The following SNTG1 variants were observed in gnomAD, a reference collection of about 807,000 sequenced individuals.
The protein encoded by SNTG1 is syntrophin gamma 1.
Under a neutral mutation model 74.7 loss-of-function variants are expected in SNTG1, and 39 were observed. The ratio of observed to expected loss-of-function variants is 0.52; its 90% CI spans 0.40 to 0.68. The LOEUF (loss-of-function observed/expected upper bound fraction) is 0.68. Among genes scored for constraint, SNTG1 ranks in the 30% least tolerant of loss-of-function variants. The probability of loss-of-function intolerance (pLI) is 0.00; values close to 1 mark genes in which losing one functional copy is unlikely to be tolerated. For missense variants in SNTG1, 685 were observed against 609.5 expected (o/e 1.12, Z -1.30); for synonymous variants, 254 against 217.1 (o/e 1.17, Z -1.49).
At chr8:50,405,468 A>G (rs2092861036) in intron 4 of SNTG1, among the ~76,000 whole-genome samples, 1 of 152,032 alleles carries the variant, frequency 6.6e-6, no homozygotes, top group African/African-American at 2.4e-5. Context: ...GTGTCTATTC[A>G]TATCCTTTGT....
intron 2 of SNTG1, among the ~76,000 whole-genome samples, chr8:50,319,289 G>A (rs1276930348): frequency 1.3e-5 from 2 of 152,088 alleles, no homozygotes; most frequent in Admixed American, 1.3e-4. Flanking sequence ...GCTTGAACCT[G>A]GGAGGTGGAG....
chr8:49,951,978 C>A (rs1809762043), intron 1 of SNTG1, among the ~76,000 whole-genome samples: 1 of 148,682 alleles, frequency 6.7e-6, no homozygotes, highest in South Asian at 2.2e-4. Context: ...GGAAATATAT[C>A]ACCCAGAACT....
chr8:49,917,007 A>T (rs1171875800), intron 1 of SNTG1, among the ~76,000 whole-genome samples: 1 of 150,084 alleles, frequency 6.7e-6, no homozygotes, highest in Non-Finnish European at 1.5e-5. Context: ...CCTGAATGAG[A>T]TTCTATCTCA....
intron 17 of SNTG1, among the ~76,000 whole-genome samples, chr8:50,710,951 T>A (rs945420529): frequency 6.6e-6 from 1 of 151,286 alleles, no homozygotes; most frequent in Non-Finnish European, 1.5e-5. Context: ...ATCTCAGAAT[T>A]GGGAAAGGCT....
At chr8:50,474,731 C>A (rs1170616657) in intron 8 of SNTG1, among the ~76,000 whole-genome samples, 9 of 152,006 alleles carry the variant, frequency 5.9e-5, no homozygotes, top group South Asian at 2.1e-4. Flanking sequence ...TACTGGGTAT[C>A]TACCCAAAAG....
chr8:50,390,614 T>C lies in SNTG1; in HGVS notation c.-27-3598T>C, dbSNP rs775624313. 5.3e-5 allele frequency among the ~76,000 whole-genome samples: 8 copies of C among 152,206 alleles called. No individual in the cohort carries two copies. The South Asian group carries it at 6.2e-4, about 12-fold the overall frequency. On this transcript the variant is annotated intron_variant, in intron 2 of 18. Coordinates refer to ENST00000642720, the MANE Select transcript of SNTG1 (RefSeq NM_018967.5). ...TTCCCAAATTCTGTGAAGAAATTCA[T>C]TGGTAGCTTGATAGGGATGGCATTG...
chr8:49,968,686 A>G (rs1811372299), intron 1 of SNTG1, among the ~76,000 whole-genome samples: 1 of 152,188 alleles, frequency 6.6e-6, no homozygotes. Context: ...TTATTCTTCC[A>G]GATAGACCAA....
At chr8:50,771,510 A>T (rs777049202) in intron 18 of SNTG1, among the ~76,000 whole-genome samples, 1 of 152,146 alleles carries the variant, frequency 6.6e-6, no homozygotes, top group Non-Finnish European at 1.5e-5. Flanking sequence ...CACAATTTAT[A>T]ATTAAGAGGA....
intron 1 of SNTG1, among the ~76,000 whole-genome samples, chr8:50,072,475 C>G (rs745952658): frequency 1.3e-5 from 2 of 152,096 alleles, no homozygotes; most frequent in African/African-American, 2.4e-5. Flanking sequence ...CTTGCCTGAG[C>G]TCAGGCGTTT....
intron 8 of SNTG1, among the ~76,000 whole-genome samples, chr8:50,486,250 T>G (rs2093793124): frequency 6.9e-6 from 1 of 145,796 alleles, no homozygotes; most frequent in South Asian, 2.3e-4. Context: ...AGTATGGCCA[T>G]TTTCACGATA....
At chr8:50,196,778 G>A (rs1171466494) in intron 2 of SNTG1, among the ~76,000 whole-genome samples, 1 of 143,650 alleles carries the variant, frequency 7.0e-6, no homozygotes, top group Non-Finnish European at 1.5e-5. Flanking sequence ...CCAACAAGCT[G>A]AAACTCCATC....
intron 2 of SNTG1, among the ~76,000 whole-genome samples, chr8:50,343,882 C>T (rs1375709194): frequency 6.6e-6 from 1 of 152,116 alleles, no homozygotes; most frequent in African/African-American, 2.4e-5. Context: ...AAATACAGGC[C>T]TTAATATTAT....
intron 2 of SNTG1, among the ~76,000 whole-genome samples, chr8:50,310,510 G>A (rs1425108953): frequency 6.6e-6 from 1 of 152,126 alleles, no homozygotes; most frequent in Non-Finnish European, 1.5e-5. Context: ...CCAACATGGA[G>A]AAACCCTGTC....
chr8:50,454,114 T>C (rs1179162498), intron 8 of SNTG1, among the ~76,000 whole-genome samples: 1 of 152,238 alleles, frequency 6.6e-6, no homozygotes. Context: ...TCCTTACCAC[T>C]GAACCCTAGA....
At chr8:49,975,136 T>C (rs2130028015) in intron 1 of SNTG1, among the ~76,000 whole-genome samples, 1 of 152,326 alleles carries the variant, frequency 6.6e-6, no homozygotes, top group Middle Eastern at 3.4e-3. Flanking sequence ...CTATGGGCTG[T>C]GTACTTAAAG....
chr8:50,202,416 T>C (rs957813806), intron 2 of SNTG1, among the ~76,000 whole-genome samples: 2 of 152,128 alleles, frequency 1.3e-5, no homozygotes, highest in Non-Finnish European at 2.9e-5. Context: ...ATATCTTTGC[T>C]TTTCCAGGGT....
At chr8:50,421,283 G>A (rs543382057) in intron 4 of SNTG1, among the ~76,000 whole-genome samples, 30 of 152,204 alleles carry the variant, frequency 2.0e-4, no homozygotes, top group African/African-American at 7.2e-4. Context: ...AGGCAGAGAA[G>A]CGTTCGGGGC....
chr8:50,712,502 T>C (rs927460963), intron 17 of SNTG1, among the ~76,000 whole-genome samples: 5 of 152,202 alleles, frequency 3.3e-5, no homozygotes, highest in African/African-American at 1.2e-4. Context: ...TTATTTTTTA[T>C]TACACTTTAA....
At chr8:50,349,766 G>A (rs550592973) in intron 2 of SNTG1, among the ~76,000 whole-genome samples, 10 of 152,238 alleles carry the variant, frequency 6.6e-5, no homozygotes, top group Non-Finnish European at 1.0e-4. Context: ...GGCAGCCCTC[G>A]CAGCCCTCAC....
Sources: gnomAD v4.1 joint callset for allele counts (sites outside exome capture counted in the v4.1 genomes callset) on GRCh38, gnomAD v4.1.1 for gene constraint, MANE v1.5 for transcripts, NCBI Gene and HGNC (gene_info 2026-07-23, HGNC 2026-07-21) for gene names.